HSPA4L: variants seen among roughly 807,000 people sequenced by gnomAD.
The protein encoded by HSPA4L is heat shock protein family A (Hsp70) member 4 like.
A neutral mutation model predicts 100.3 loss-of-function variants in HSPA4L; 48 were observed. The ratio of observed to expected loss-of-function variants is 0.48; its 90% CI spans 0.38 to 0.61. The LOEUF (loss-of-function observed/expected upper bound fraction) is 0.61. Ranked by LOEUF, HSPA4L falls within the 20% of genes least tolerant of loss-of-function variation. The pLI is 0.00. For missense variants in HSPA4L, 886 were observed against 988.6 expected, an observed-to-expected ratio of 0.90 and a Z score of 1.39; for synonymous variants, 319 against 328.2, an observed-to-expected ratio of 0.97 and a Z score of 0.30.
intron 3 of HSPA4L, among the ~76,000 whole-genome samples, chr4:127,797,301 C>T (rs2148781203): frequency 6.6e-6 from 1 of 152,134 alleles, no homozygotes; most frequent in African/African-American, 2.4e-5. Context: ...TATTCTACTC[C>T]AGTTTAAAAT....
rs1049821035 is a variant in HSPA4L, at chr4:127,837,328, T to C, written c.*4454T>C. 1 of 152,244 alleles carries C rather than the reference T, an allele frequency of 6.6e-6. No individual in the cohort carries two copies. Among genetic ancestry groups the C allele is most frequent in the Non-Finnish European group, 1.5e-5 (1 of 68,034 alleles). 9.4% of individuals were successfully genotyped at this position (152,244 alleles called of 1,614,324 possible). On this transcript the variant is annotated 3_prime_UTR_variant, in exon 19 of 19. Transcript: ENST00000296464. ...TTGAACTGTAAGCAGAATTTTGTTT[T>C]GTGATATTTTATTGTATAAACTGTT...
At chr4:127,793,783 G>A (rs1002573280) in intron 1 of HSPA4L, among the ~76,000 whole-genome samples, 2 of 152,076 alleles carry the variant, frequency 1.3e-5, no homozygotes, top group Admixed American at 6.6e-5. Flanking sequence ...GGTCAACACG[G>A]TTGAGTTTTC....
chr4:127,799,123 A>G (rs1246845697), intron 4 of HSPA4L, among the ~76,000 whole-genome samples: 1 of 152,146 alleles, frequency 6.6e-6, no homozygotes, highest in East Asian at 1.9e-4. Context: ...TTACCGTCTT[A>G]TCTCTTGAGG....
Position 127,821,468 on chromosome 4 carries a change from C to G in HSPA4L, c.1812+903C>G, listed in dbSNP as rs577656167. ...TTTTTATTAAAGTGAAAATTTTGCT[C>G]AAGTATTATAATCTTCAGGTTATTT... On this transcript the variant is annotated intron_variant, in intron 14 of 18. Transcript: ENST00000296464. Among the ~76,000 whole-genome samples, 16 of 152,236 alleles carry G rather than the reference C, an allele frequency of 1.1e-4. No individual in the cohort carries two copies. The South Asian group carries it at 2.5e-3, about 24-fold the overall frequency.
intron 10 of HSPA4L, among the ~76,000 whole-genome samples, chr4:127,806,231 T>G (rs1016053533): frequency 6.6e-6 from 1 of 152,008 alleles, no homozygotes; most frequent in African/African-American, 2.4e-5. Flanking sequence ...TGTATTTTAT[T>G]TTTCCATGTC....
At chr4:127,828,664 A>G (rs928542515) in intron 17 of HSPA4L, among the ~76,000 whole-genome samples, 5 of 152,122 alleles carry the variant, frequency 3.3e-5, no homozygotes, top group African/African-American at 1.2e-4. Context: ...TAAAGGAAAA[A>G]TTCAGATATT....
chr4:127,793,080 C>T (rs982292844), intron 1 of HSPA4L, among the ~76,000 whole-genome samples: 1 of 152,260 alleles, frequency 6.6e-6, no homozygotes, highest in South Asian at 2.1e-4. Context: ...TGAGATAGGG[C>T]ACCATTGGAG....
chr4:127,835,411 T>TTAAG lies in HSPA4L; in HGVS notation c.*2539_*2542dup, dbSNP rs1560675668. ...ATTCCTTAGCAGTAATGTAAAATTATTAAGTTTTGGCCAGGCGCTGTGGCT... is the reference window on the plus strand; with the variant it reads ...ATTCCTTAGCAGTAATGTAAAATTATTAAGTAAGTTTTGGCCAGGCGCTGTGGCT... On this transcript the variant is annotated 3_prime_UTR_variant, in exon 19 of 19. Transcript: ENST00000296464. 6.6e-6 allele frequency: 1 copy of TTAAG among 152,194 alleles called. No homozygotes were observed. Among genetic ancestry groups the TTAAG allele is most frequent in the Non-Finnish European group, 1.5e-5 (1 of 68,032 alleles). 9.4% of individuals were successfully genotyped at this position (152,194 alleles called of 1,614,324 possible). A position where few individuals can be genotyped will look rare whatever the true frequency, so the allele number is the denominator to read the frequency against.
At chr4:127,797,365 A>G (rs1733049420) in intron 3 of HSPA4L, among the ~76,000 whole-genome samples, 1 of 152,160 alleles carries the variant, frequency 6.6e-6, no homozygotes, top group African/African-American at 2.4e-5. Flanking sequence ...AAATTAATAG[A>G]TCAGGCTTTG....
At chr4:127,805,853 AC>A in intron 10 of HSPA4L, 60 bp downstream of exon 10, 1 of 1,124,350 alleles carries the variant, frequency 8.9e-7, no homozygotes, top group Non-Finnish European at 1.3e-6. Context: ...AGTTAAACCT[AC>A]TTTTCTAAAT....
chr4:127,790,901 GA>G lies in HSPA4L; in HGVS notation c.108-3175del, dbSNP rs376827183. Among the ~76,000 whole-genome samples, 575 of 152,276 alleles carry G rather than the reference GA, an allele frequency of 3.8e-3. 3 individuals carry two copies. The highest frequency in any genetic ancestry group is 5.4e-3 in the South Asian group (26 of 4,828). ...GCACTTTGGGAGGCCAAGGCAGGTG[GA>G]TCACTTGAGCCTAGGAGACTAGCCT... is the stretch of plus-strand genomic sequence containing the variant. On this transcript the variant is annotated intron_variant, in intron 1 of 18. Transcript: ENST00000296464.
At chr4:127,812,222 A>C (rs1282271829) in intron 12 of HSPA4L, among the ~76,000 whole-genome samples, 1 of 151,968 alleles carries the variant, frequency 6.6e-6, no homozygotes, top group African/African-American at 2.4e-5. Context: ...ATCCTGGCTA[A>C]CACAATGAAA....
chr4:127,804,456 A>C (rs1325083026), intron 8 of HSPA4L, among the ~76,000 whole-genome samples: 1 of 152,054 alleles, frequency 6.6e-6, no homozygotes, highest in African/African-American at 2.4e-5. Context: ...AATTCCAAAA[A>C]TTAGCCAGGC....
chr4:127,832,683 G>T lies in HSPA4L; in HGVS notation c.2329G>T (p.Glu777Ter). 1 of 1,594,662 alleles carries T rather than the reference G, an allele frequency of 6.3e-7. No homozygotes were observed. The highest frequency in any genetic ancestry group is 1.2e-5 in the South Asian group (1 of 86,556). The change falls in exon 19 of 19, where the codon GAA becomes TAA. Residue 777 changes from glutamate to a stop codon, truncating the protein, a stop_gained and splice_region_variant. Transcript: ENST00000296464. LOFTEE classifies it high-confidence loss of function. Reference protein sequence around the residue: ...KVSEIVAKSKELDNFCNPIIY... With the variant: ...KVSEIVAKSK Reference sequence around the variant, plus strand: ...ATAATCAATTTCTTCATGTCTTTAGGAACTGGATAATTTCTGTAACCCCAT... The same window carrying T: ...ATAATCAATTTCTTCATGTCTTTAGTAACTGGATAATTTCTGTAACCCCAT...
chr4:127,804,224 T>TA (rs1439756435), intron 8 of HSPA4L, 137 bp downstream of exon 8: 10 of 657,518 alleles, frequency 1.5e-5, no homozygotes, highest in African/African-American at 1.8e-5. Context: ...AAGGAGATTA[T>TA]AACTCATTAT....
chr4:127,811,554 A>C lies in HSPA4L; in HGVS notation c.1496A>C (p.Glu499Ala), dbSNP rs373927651. 48 of 1,613,930 alleles carry C rather than the reference A, an allele frequency of 3.0e-5. No individual in the cohort carries two copies. Among genetic ancestry groups the C allele is most frequent in the Non-Finnish European group, 3.8e-5 (45 of 1,179,982 alleles). The change falls in exon 12 of 19, where the codon GAG (glutamate) becomes GCG (alanine). Residue 499 changes from glutamate (E) to alanine (A), a missense_variant. Coordinates refer to ENST00000296464, the MANE Select transcript of HSPA4L (RefSeq NM_014278.4). ...IFSVASASVI[E>A]KQNLEGDHSD... ...AGTGTGGCTAGCGCATCAGTAATTG[A>C]GAAGCAAAATTTGGAAGGCGATCAC... is the stretch of plus-strand genomic sequence containing the variant.
At chr4:127,817,627 C>T (rs1362622611) in intron 12 of HSPA4L, among the ~76,000 whole-genome samples, 4 of 151,830 alleles carry the variant, frequency 2.6e-5, no homozygotes, top group Non-Finnish European at 4.4e-5. Context: ...TAAAAGTGTA[C>T]CTTTTAATAA....
At chr4:127,819,740 T>G (rs1171679336) in intron 13 of HSPA4L, among the ~76,000 whole-genome samples, 5 of 152,188 alleles carry the variant, frequency 3.3e-5, no homozygotes, top group Non-Finnish European at 5.9e-5. Flanking sequence ...TGTACTTATT[T>G]GTGACTGGCT....
At chr4:127,788,094 ATAATT>A (rs1372040665) in intron 1 of HSPA4L, among the ~76,000 whole-genome samples, 2 of 151,982 alleles carry the variant, frequency 1.3e-5, no homozygotes, top group African/African-American at 4.8e-5. Flanking sequence ...ATCTAATATA[ATAATT>A]TAATAGTTAA....
Sources: gnomAD v4.1 joint callset for allele counts (sites outside exome capture counted in the v4.1 genomes callset) on GRCh38, gnomAD v4.1.1 for gene constraint, MANE v1.5 for transcripts, NCBI Gene and HGNC (gene_info 2026-07-23, HGNC 2026-07-21) for gene names.